The following STX8 variants were observed in gnomAD, a reference collection of about 807,000 sequenced individuals.
STX8 encodes syntaxin-8.
Under a neutral mutation model 37.5 loss-of-function variants are expected in STX8, and 23 were observed. The observed-to-expected ratio is 0.61, with a 90% CI of 0.44 to 0.87. The LOEUF (loss-of-function observed/expected upper bound fraction) is 0.87, where lower values mean the gene tolerates loss of function less well. Among genes scored for constraint, STX8 ranks in the 40% least tolerant of loss-of-function variants. STX8 has a pLI of 0.00. For synonymous variants in STX8, 115 were observed against 99.1 expected (o/e 1.16, Z -0.95); for missense variants, 313 against 284.7 (o/e 1.10, Z -0.71).
intron 6 of STX8, among the ~76,000 whole-genome samples, chr17:9,479,212 G>GA (rs1906215769): frequency 6.6e-6 from 1 of 152,012 alleles, no homozygotes; most frequent in African/African-American, 2.4e-5. Context: ...GTGGGACAAT[G>GA]AAAAAATATA....
In STX8 at chr17:9,438,650, C is replaced by G. The variant is rs936229837; in HGVS notation, c.541+53179G>C. 3.9e-5 allele frequency among the ~76,000 whole-genome samples: 6 copies of G among 152,006 alleles called. No homozygotes were observed. The South Asian group carries it at 1.2e-3, about 32-fold the overall frequency. Reference sequence around the variant, plus strand: ...CATACATAACACACAGTCAAACAGCCGGGCGTGGTGGCTCACGTCTGTAAT... The same window carrying G: ...CATACATAACACACAGTCAAACAGCGGGGCGTGGTGGCTCACGTCTGTAAT... On this transcript the variant is annotated intron_variant, in intron 6 of 7. Transcript: ENST00000306357.
At chr17:9,292,453 A>G (rs142403075) in intron 7 of STX8, among the ~76,000 whole-genome samples, 54 of 152,332 alleles carry the variant, frequency 3.5e-4, no homozygotes, top group Middle Eastern at 3.4e-3. Flanking sequence ...CTTGAACAAA[A>G]ATAGAATCTG....
At chr17:9,557,261 TA>T (rs1907017544) in intron 3 of STX8, 172 bp downstream of exon 3, 2 of 568,664 alleles carry the variant, frequency 3.5e-6, no homozygotes, top group Admixed American at 3.0e-5. Flanking sequence ...ATATTCACTG[TA>T]AAACATGTAA....
intron 7 of STX8, among the ~76,000 whole-genome samples, chr17:9,306,711 G>A (rs958790111): frequency 2.6e-5 from 4 of 151,586 alleles, no homozygotes; most frequent in Non-Finnish European, 5.9e-5. Flanking sequence ...GTTGCAGTGA[G>A]CCCAGATAGC....
chr17:9,350,065 T>C (rs1910658042), intron 7 of STX8, among the ~76,000 whole-genome samples: 1 of 152,230 alleles, frequency 6.6e-6, no homozygotes, highest in South Asian at 2.1e-4. Flanking sequence ...AGGCTACTAT[T>C]GACCTCCTGG....
chr17:9,473,900 G>C (rs557808870), intron 6 of STX8, among the ~76,000 whole-genome samples: 7 of 152,242 alleles, frequency 4.6e-5, no homozygotes, highest in Admixed American at 4.6e-4. Context: ...AATAACTCAC[G>C]GTAGGCTCTT....
chr17:9,381,323 C>A (rs888872657), intron 6 of STX8, among the ~76,000 whole-genome samples: 2 of 151,820 alleles, frequency 1.3e-5, no homozygotes, highest in Admixed American at 6.6e-5. Flanking sequence ...TGTTCAATAC[C>A]AGTCACCATT....
chr17:9,539,329 G>A (rs1049882688), intron 4 of STX8, among the ~76,000 whole-genome samples: 3 of 152,190 alleles, frequency 2.0e-5, no homozygotes, highest in Non-Finnish European at 2.9e-5. Context: ...GGAAAAGAGC[G>A]TTGTGCAAAG....
intron 7 of STX8, among the ~76,000 whole-genome samples, chr17:9,285,625 T>A (rs1908046603): frequency 6.6e-6 from 1 of 152,106 alleles, no homozygotes; most frequent in Non-Finnish European, 1.5e-5. Flanking sequence ...GGGTGCCTAT[T>A]TATCCAAGCC....
chr17:9,418,815 AGAC>A (rs1913300825), intron 6 of STX8, among the ~76,000 whole-genome samples: 1 of 115,698 alleles, frequency 8.6e-6, no homozygotes, highest in African/African-American at 3.1e-5. Flanking sequence ...CGACAGAGCA[AGAC>A]TCCGTCTCAA....
At chr17:9,381,417 T>C (rs1212457919) in intron 6 of STX8, among the ~76,000 whole-genome samples, 1 of 152,046 alleles carries the variant, frequency 6.6e-6, no homozygotes, top group Non-Finnish European at 1.5e-5. Flanking sequence ...GAAGGCGACA[T>C]GGGTGAAAAA....
chr17:9,352,491 G>A (rs1263188783), intron 7 of STX8, among the ~76,000 whole-genome samples: 34 of 130,448 alleles, frequency 2.6e-4, no homozygotes, highest in East Asian at 2.3e-4. Flanking sequence ...TTTTTGAGAC[G>A]GAGTCTTGCT....
chr17:9,345,834 C>T (rs554809195), intron 7 of STX8, among the ~76,000 whole-genome samples: 7 of 111,892 alleles, frequency 6.3e-5, no homozygotes, highest in African/African-American at 2.2e-4. Context: ...ATTATACCTC[C>T]GGGTTATGCA....
chr17:9,365,189 C>T (rs141229504), intron 7 of STX8, among the ~76,000 whole-genome samples: 2 of 152,270 alleles, frequency 1.3e-5, no homozygotes, highest in African/African-American at 4.8e-5. Flanking sequence ...AATTTATTGT[C>T]AACATTAAAA....
intron 6 of STX8, among the ~76,000 whole-genome samples, chr17:9,455,414 C>T (rs976482293): frequency 7.3e-5 from 11 of 151,316 alleles, no homozygotes; most frequent in African/African-American, 2.2e-4. Context: ...GCAGGAAAAT[C>T]GCTTGAACCC....
chr17:9,272,743 C>A (rs1597576803), intron 7 of STX8, among the ~76,000 whole-genome samples: 1 of 152,196 alleles, frequency 6.6e-6, no homozygotes, highest in Non-Finnish European at 1.5e-5. Context: ...ATTCTTTACG[C>A]CCGCTGGAAC....
At chr17:9,438,240 C>CA (rs1297626169) in intron 6 of STX8, among the ~76,000 whole-genome samples, 3,298 of 65,878 alleles carry the variant, frequency 0.05, 235 homozygotes, top group African/African-American at 0.15. Flanking sequence ...GACTCCATCT[C>CA]AAAAAAAAAA....
intron 7 of STX8, among the ~76,000 whole-genome samples, chr17:9,338,000 C>T (rs977962106): frequency 1.3e-5 from 2 of 149,690 alleles, no homozygotes; most frequent in African/African-American, 2.5e-5. Context: ...GAAACCAGTG[C>T]TGAGGAGTTT....
chr17:9,291,324 T>C (rs1908305140), intron 7 of STX8, among the ~76,000 whole-genome samples: 1 of 151,446 alleles, frequency 6.6e-6, no homozygotes, highest in Non-Finnish European at 1.5e-5. Flanking sequence ...TGGGTACCTG[T>C]AGTCCCAGCT....
Sources: gnomAD v4.1 joint callset for allele counts (sites outside exome capture counted in the v4.1 genomes callset) on GRCh38, gnomAD v4.1.1 for gene constraint, MANE v1.5 for transcripts, NCBI Gene and HGNC (gene_info 2026-07-23, HGNC 2026-07-21) for gene names.